The following EVI5 variants were observed in gnomAD, a reference collection of about 807,000 sequenced individuals.
EVI5 encodes ecotropic viral integration site 5, also known as ecotropic viral integration site 5 protein homolog.
A neutral mutation model predicts 112.0 loss-of-function variants in EVI5; 73 were observed. The ratio of observed to expected loss-of-function variants is 0.65; its 90% CI spans 0.54 to 0.79. EVI5 has a LOEUF of 0.79. Among genes scored for constraint, EVI5 ranks in the 30% least tolerant of loss-of-function variants. The pLI, the probability that EVI5 is intolerant of heterozygous loss-of-function variation, is 0.00. For missense variants in EVI5, 900 were observed against 968.8 expected (o/e 0.93, Z 0.94); for synonymous variants, 305 against 319.9 (o/e 0.95, Z 0.50).
At chr1:92,643,285 T>C (rs1660324657) in intron 13 of EVI5, among the ~76,000 whole-genome samples, 1 of 133,682 alleles carries the variant, frequency 7.5e-6, no homozygotes, top group Non-Finnish European at 1.5e-5. Context: ...ATAAATTAAC[T>C]CAAATCTTTT....
At chr1:92,675,900 G>A (rs1666659137) in intron 10 of EVI5, among the ~76,000 whole-genome samples, 1 of 149,294 alleles carries the variant, frequency 6.7e-6, no homozygotes, top group African/African-American at 2.5e-5. Flanking sequence ...AGCTTGCAGT[G>A]AGCCAAGATC....
chr1:92,518,931 AAAT>A (rs1341038905), intron 19 of EVI5, among the ~76,000 whole-genome samples: 1 of 152,208 alleles, frequency 6.6e-6, no homozygotes, highest in Non-Finnish European at 1.5e-5. Flanking sequence ...TTCTGAGAAA[AAAT>A]AATGTCTACA....
chr1:92,738,538 A>G (rs1238048299), intron 1 of EVI5, among the ~76,000 whole-genome samples: 3 of 152,186 alleles, frequency 2.0e-5, no homozygotes, highest in African/African-American at 7.2e-5. Context: ...GCTTTATTAA[A>G]AGAAATTTAT....
At chr1:92,577,916 G>GT (rs1671328400) in intron 18 of EVI5, among the ~76,000 whole-genome samples, 1 of 152,048 alleles carries the variant, frequency 6.6e-6, no homozygotes, top group Non-Finnish European at 1.5e-5. Context: ...CTTTGTTGTT[G>GT]TTTTTTTGTT....
At chr1:92,690,434 G>C (rs910338753) in intron 9 of EVI5, among the ~76,000 whole-genome samples, 1 of 150,754 alleles carries the variant, frequency 6.6e-6, no homozygotes, top group Admixed American at 6.6e-5. Context: ...CTGCATCCTA[G>C]ACTTCTCAAG....
intron 1 of EVI5, chr1:92,773,852 C>T (rs1428402658): frequency 6.6e-6 from 1 of 151,964 alleles, no homozygotes; most frequent in African/African-American, 2.4e-5. Context: ...TAACAAGACC[C>T]CATCTCTATG....
At chr1:92,621,727 A>G (rs1293324539) in intron 16 of EVI5, among the ~76,000 whole-genome samples, 1 of 152,242 alleles carries the variant, frequency 6.6e-6, no homozygotes, top group East Asian at 1.9e-4. Flanking sequence ...CATTTATCAG[A>G]CTGCATTTTA....
At position 92,561,611 on chromosome 1, in the gene EVI5, ATCT is replaced by A. The variant is rs1668602014; in HGVS notation, c.2166+2028_2166+2030del. On this transcript the variant is annotated intron_variant, in intron 19 of 19. Coordinates refer to ENST00000684568, the MANE Select transcript of EVI5 (RefSeq NM_001350197.2). Reference sequence around the variant, plus strand: ...TCTATCTATCTATCTAATCTATCCTATCTATCTATCTATCTATCTATCTATCTA... The same window carrying A: ...TCTATCTATCTATCTAATCTATCCTAATCTATCTATCTATCTATCTATCTA... 4.0e-3 allele frequency among the ~76,000 whole-genome samples: 94 copies of A among 23,280 alleles called. No individual in the cohort carries two copies. The Middle Eastern group carries it at 0.062, about 15-fold the overall frequency. The allele number at this position is 23,280 out of a possible 152,430, so 15.3% of individuals were successfully genotyped here. A position where few individuals can be genotyped will look rare whatever the true frequency, so the allele number is the denominator to read the frequency against.
chr1:92,519,626 C>G (rs945145469), intron 19 of EVI5, among the ~76,000 whole-genome samples: 1 of 152,094 alleles, frequency 6.6e-6, no homozygotes, highest in African/African-American at 2.4e-5. Flanking sequence ...GGTGCAGTGG[C>G]TCATGACTGT....
At chr1:92,678,412 G>T (rs566442663) in intron 9 of EVI5, among the ~76,000 whole-genome samples, 303 of 152,056 alleles carry the variant, frequency 2.0e-3, no homozygotes, top group African/African-American at 7.0e-3. Context: ...CATGCCTGTA[G>T]TTGCAGGTAC....
At chr1:92,763,496 T>G (rs1029965982) in intron 1 of EVI5, among the ~76,000 whole-genome samples, 1 of 152,040 alleles carries the variant, frequency 6.6e-6, no homozygotes, top group African/African-American at 2.4e-5. Flanking sequence ...GTGCCTGTAG[T>G]CCCAGCTACT....
intron 19 of EVI5, among the ~76,000 whole-genome samples, chr1:92,561,554 A>ACTATCTAT (rs780599148): frequency 3.1e-5 from 4 of 127,580 alleles, no homozygotes; most frequent in Non-Finnish European, 6.7e-5. Flanking sequence ...GATGAGACTG[A>ACTATCTAT]CTATCTATCT....
chr1:92,679,890 T>C (rs1244187599), intron 9 of EVI5, among the ~76,000 whole-genome samples: 3 of 152,214 alleles, frequency 2.0e-5, no homozygotes, highest in Non-Finnish European at 2.9e-5. Flanking sequence ...CATTGCCTCA[T>C]ACTAAGGGTA....
In EVI5 at chr1:92,764,492, G is replaced by A. The variant is rs916212445; in HGVS notation, c.-82+20344C>T. Among the ~76,000 whole-genome samples the A allele has an allele frequency of 3.2e-4, 49 of 152,196 alleles. 1 individual carries two copies. The highest frequency in any genetic ancestry group is 6.5e-4 in the Admixed American group (10 of 15,292). On this transcript the variant is annotated intron_variant, in intron 1 of 19. Transcript: ENST00000684568. ...CTTCCTCTCCCTGGTCCAATGTAAC[G>A]AAAAATACCAGCCATATCCTTAGAC...
At chr1:92,724,624 A>G (rs1192165815) in intron 2 of EVI5, among the ~76,000 whole-genome samples, 1 of 152,004 alleles carries the variant, frequency 6.6e-6, no homozygotes, top group African/African-American at 2.4e-5. Context: ...CCTGGACAAC[A>G]CGGCGAAACC....
intron 18 of EVI5, among the ~76,000 whole-genome samples, chr1:92,581,590 T>C (rs1291668563): frequency 6.6e-6 from 1 of 152,224 alleles, no homozygotes; most frequent in African/African-American, 2.4e-5. Flanking sequence ...CAGGCCTCTC[T>C]GCTCTACCAC....
chr1:92,596,253 TGGAGGCTCAGGTG>T (rs1422360037), intron 18 of EVI5, among the ~76,000 whole-genome samples: 7 of 152,050 alleles, frequency 4.6e-5, no homozygotes, highest in Non-Finnish European at 8.8e-5. Flanking sequence ...CCCAGCTACT[TGGAGGCTCAGGTG>T]GGAGGATCTC....
intron 16 of EVI5, among the ~76,000 whole-genome samples, chr1:92,611,420 C>T (rs1376977491): frequency 2.6e-5 from 4 of 151,714 alleles, no homozygotes; most frequent in South Asian, 4.2e-4. Flanking sequence ...GAAAGTGGGC[C>T]GGGCGTGGTG....
chr1:92,509,409 A>AAAACAAAC lies in EVI5; in HGVS notation c.*4239_*4246dup, dbSNP rs562974717. 2 of 152,828 alleles carry AAAACAAAC rather than the reference A, an allele frequency of 1.3e-5. No homozygotes were observed. Among genetic ancestry groups the AAAACAAAC allele is most frequent in the African/African-American group, 4.8e-5 (2 of 41,388 alleles). 9.5% of individuals were successfully genotyped at this position (152,828 alleles called of 1,614,324 possible). ...CACTGAATACCTAGTATCTAGCCAA[A>AAAACAAAC]AAACAAACAAACAAACAAACAAACA... On this transcript the variant is annotated 3_prime_UTR_variant, in exon 20 of 20. Coordinates refer to ENST00000684568, the MANE Select transcript of EVI5 (RefSeq NM_001350197.2).
Sources: gnomAD v4.1 joint callset for allele counts (sites outside exome capture counted in the v4.1 genomes callset) on GRCh38, gnomAD v4.1.1 for gene constraint, MANE v1.5 for transcripts, NCBI Gene and HGNC (gene_info 2026-07-23, HGNC 2026-07-21) for gene names.